Variants in SEC14L1 observed in about 807,000 individuals in gnomAD.
SEC14L1 encodes SEC14 like lipid binding 1, also known as SEC14-like protein 1.
A neutral mutation model predicts 85.3 loss-of-function variants in SEC14L1; 48 were observed. That is an observed-to-expected ratio of 0.56 (90% CI 0.45 to 0.72). The LOEUF is 0.72. Ranked by LOEUF, SEC14L1 falls within the 30% of genes least tolerant of loss-of-function variation. The probability of loss-of-function intolerance (pLI) is 0.00; values close to 1 mark genes in which losing one functional copy is unlikely to be tolerated. For synonymous variants in SEC14L1, 391 were observed against 355.5 expected (o/e 1.10, Z -1.12); for missense variants, 682 against 921.4 (o/e 0.74, Z 3.36).
At position 77,181,815 on chromosome 17, in the gene SEC14L1, T is replaced by G. The variant is rs554537678; in HGVS notation, c.64-8988T>G. On this transcript the variant is annotated intron_variant, in intron 3 of 16. Transcript: ENST00000436233. ...TTTTTAGTATAGGGCCTGCATGTGGTAGGCCCTCTGTAAAGAGCTGTTACT... is the reference window on the plus strand; with the variant it reads ...TTTTTAGTATAGGGCCTGCATGTGGGAGGCCCTCTGTAAAGAGCTGTTACT... Among the ~76,000 whole-genome samples the G allele has an allele frequency of 1.3e-3, 191 of 152,318 alleles. 1 individual carries two copies. The highest frequency in any genetic ancestry group is 4.2e-3 in the African/African-American group (176 of 41,568).
At chr17:77,092,805 G>C (rs2143274505) in intron 2 of SEC14L1, among the ~76,000 whole-genome samples, 1 of 152,156 alleles carries the variant, frequency 6.6e-6, no homozygotes, top group East Asian at 1.9e-4. Context: ...AAAATTAGCT[G>C]GGCGTGGTGG....
upstream of SEC14L1, among the ~76,000 whole-genome samples, chr17:77,140,273 G>C (rs566643978): frequency 6.6e-6 from 1 of 152,236 alleles, no homozygotes; most frequent in African/African-American, 2.4e-5. Flanking sequence ...CTGGGCGCGC[G>C]TCTCAGTTTC....
intron 3 of SEC14L1, among the ~76,000 whole-genome samples, chr17:77,146,695 T>G (rs144378406): frequency 2.0e-5 from 3 of 152,200 alleles, no homozygotes; most frequent in African/African-American, 7.2e-5. Context: ...TTTGAATTGT[T>G]AGAAAAACAA....
intron 13 of SEC14L1, among the ~76,000 whole-genome samples, chr17:77,208,915 C>T (rs1976600638): frequency 6.6e-6 from 1 of 152,196 alleles, no homozygotes; most frequent in Admixed American, 6.5e-5. Context: ...AGACAGAAAA[C>T]ATTATTCATT....
intron 1 of SEC14L1, among the ~76,000 whole-genome samples, chr17:77,142,211 C>T (rs761673888): frequency 4.6e-5 from 7 of 152,152 alleles, no homozygotes; most frequent in South Asian, 2.1e-4. Flanking sequence ...TCCACCATGA[C>T]CTCTCCTCTG....
At chr17:77,127,142 C>A (rs1238899967) in intron 3 of SEC14L1, among the ~76,000 whole-genome samples, 2 of 151,822 alleles carry the variant, frequency 1.3e-5, no homozygotes, top group Non-Finnish European at 2.9e-5. Context: ...TCACCCCTCA[C>A]CCCCAACCAA....
At chr17:77,171,140 A>G (rs1974505713) in intron 3 of SEC14L1, among the ~76,000 whole-genome samples, 1 of 152,102 alleles carries the variant, frequency 6.6e-6, no homozygotes, top group Non-Finnish European at 1.5e-5. Context: ...TTATACAACT[A>G]TCCACAATTT....
rs1567944410 is a variant in SEC14L1, at chr17:77,216,495, C to A, written c.*2472C>A. On this transcript the variant is annotated 3_prime_UTR_variant, in exon 17 of 17. Transcript: ENST00000436233. ...CACCTGGTGCTTCCTGTTCCCAAAT[C>A]ACAAGGGCCTGAAGGTGGTCCCTGC... 1 of 1,612,654 alleles carries A rather than the reference C, an allele frequency of 6.2e-7. No homozygotes were observed. Among genetic ancestry groups the A allele is most frequent in the African/African-American group, 1.3e-5 (1 of 74,732 alleles).
At chr17:77,196,345 C>T in intron 8 of SEC14L1, 34 bp downstream of exon 8, 1 of 1,252,806 alleles carries the variant, frequency 8.0e-7, no homozygotes, top group Non-Finnish European at 1.2e-6. Context: ...TGTGCAGGGC[C>T]AGAGCTACGT....
intron 3 of SEC14L1, among the ~76,000 whole-genome samples, chr17:77,184,641 C>T (rs1157600353): frequency 6.6e-6 from 1 of 152,142 alleles, no homozygotes; most frequent in African/African-American, 2.4e-5. Context: ...GTTTCTGCCT[C>T]GCCTTGACCT....
Position 77,216,786 on chromosome 17 carries a change from A to G in SEC14L1, c.*2763A>G. The G allele has an allele frequency of 1.4e-6, 1 of 712,258 alleles. No homozygotes were observed. The highest frequency in any genetic ancestry group is 2.2e-6 in the Non-Finnish European group (1 of 450,228). The allele number at this position is 712,258 out of a possible 1,614,324, so 44.1% of individuals were successfully genotyped here. Reference sequence around the variant, plus strand: ...TGCTTACAGGGTTTCCTCCCGAGTAATCCAATCTCACTCCCCTTGTAAGGG... The same window carrying G: ...TGCTTACAGGGTTTCCTCCCGAGTAGTCCAATCTCACTCCCCTTGTAAGGG... On this transcript the variant is annotated 3_prime_UTR_variant, in exon 17 of 17. Transcript: ENST00000436233.
chr17:77,172,819 T>C (rs889807252), intron 3 of SEC14L1, among the ~76,000 whole-genome samples: 4 of 152,140 alleles, frequency 2.6e-5, no homozygotes, highest in Admixed American at 1.3e-4. Flanking sequence ...GGATGCGGAA[T>C]ACAGATTTTT....
At chr17:77,171,229 T>G (rs1431447787) in intron 3 of SEC14L1, among the ~76,000 whole-genome samples, 1 of 152,146 alleles carries the variant, frequency 6.6e-6, no homozygotes, top group Non-Finnish European at 1.5e-5. Flanking sequence ...CCCCAGTGAG[T>G]TCCTTGATGG....
intron 9 of SEC14L1, among the ~76,000 whole-genome samples, chr17:77,202,003 A>G (rs558139530): frequency 2.1e-4 from 32 of 152,132 alleles, no homozygotes; most frequent in African/African-American, 6.5e-4. Flanking sequence ...CAGGAGCACA[A>G]TCGTCTGTAT....
rs1237766104 is a variant in SEC14L1 at position 77,214,846 on chromosome 17, C to T, written c.*823C>T. On this transcript the variant is annotated 3_prime_UTR_variant, in exon 17 of 17. Coordinates refer to ENST00000436233, the MANE Select transcript of SEC14L1 (RefSeq NM_001143998.2). Reference sequence around the variant, plus strand: ...CAGTCAGCTCCCAGCCCAGTGTAGGCCATCTCCTCTGTGCCCTCTGGTGGC... The same window carrying T: ...CAGTCAGCTCCCAGCCCAGTGTAGGTCATCTCCTCTGTGCCCTCTGGTGGC... 18 of 985,410 alleles carry T rather than the reference C, an allele frequency of 1.8e-5. No homozygotes were observed. Among genetic ancestry groups the T allele is most frequent in the Non-Finnish European group, 2.2e-5 (18 of 830,004 alleles). 61.0% of individuals were successfully genotyped at this position (985,410 alleles called of 1,614,324 possible). A position where few individuals can be genotyped will look rare whatever the true frequency, so the allele number is the denominator to read the frequency against.
At chr17:77,207,662 G>A (rs975418295) in intron 13 of SEC14L1, among the ~76,000 whole-genome samples, 1 of 152,150 alleles carries the variant, frequency 6.6e-6, no homozygotes, top group African/African-American at 2.4e-5. Context: ...ATGTCAGCCA[G>A]GCTGGTCTCA....
chr17:77,183,911 G>A (rs978070242), intron 3 of SEC14L1, among the ~76,000 whole-genome samples: 2 of 151,930 alleles, frequency 1.3e-5, no homozygotes, highest in South Asian at 2.1e-4. Context: ...ATTTCCTCCC[G>A]AGTAGCTGGG....
chr17:77,154,546 A>T (rs537161355), intron 3 of SEC14L1, among the ~76,000 whole-genome samples: 2 of 152,150 alleles, frequency 1.3e-5, no homozygotes, highest in Non-Finnish European at 2.9e-5. Context: ...GGACTGGGGC[A>T]TCCACAGGTT....
At chr17:77,195,704 T>G (rs1975776652) in intron 7 of SEC14L1, among the ~76,000 whole-genome samples, 1 of 152,010 alleles carries the variant, frequency 6.6e-6, no homozygotes, top group Non-Finnish European at 1.5e-5. Flanking sequence ...GCCAGGCTTG[T>G]CTTGAACTCC....
Sources: allele counts gnomAD v4.1 joint callset (sites outside exome capture counted in the v4.1 genomes callset), GRCh38; gene constraint gnomAD v4.1.1; transcripts MANE v1.5; gene names NCBI Gene and HGNC (gene_info 2026-07-23, HGNC 2026-07-21).